Variants in TAFA1 observed in about 807,000 individuals in gnomAD.
TAFA1 encodes chemokine-like protein TAFA-1.
A neutral mutation model predicts 18.5 loss-of-function variants in TAFA1; 4 were observed. The ratio of observed to expected loss-of-function variants is 0.22; its 90% CI spans 0.11 to 0.49. TAFA1 has a LOEUF of 0.49. Among genes scored for constraint, TAFA1 ranks in the 20% least tolerant of loss-of-function variants. TAFA1 has a pLI of 0.98. For synonymous variants in TAFA1, 56 were observed against 55.2 expected (o/e 1.01, Z -0.06); for missense variants, 147 against 169.0 (o/e 0.87, Z 0.72).
intron 2 of TAFA1, among the ~76,000 whole-genome samples, chr3:68,177,644 C>T (rs1448122922): frequency 2.0e-5 from 3 of 152,162 alleles, no homozygotes; most frequent in Admixed American, 2.0e-4. Flanking sequence ...TAATTTTCCA[C>T]AAGGGCTTAA....
chr3:68,213,970 G>T (rs2066625636), intron 2 of TAFA1, among the ~76,000 whole-genome samples: 2 of 152,026 alleles, frequency 1.3e-5, no homozygotes, highest in African/African-American at 2.4e-5. Flanking sequence ...ATATACAGAA[G>T]AGTTAACTAC....
intron 2 of TAFA1, among the ~76,000 whole-genome samples, chr3:68,038,449 C>A (rs973403830): frequency 1.3e-5 from 2 of 152,070 alleles, no homozygotes; most frequent in Non-Finnish European, 2.9e-5. Context: ...GTCTTCTTTC[C>A]TGGACAGTAA....
intron 2 of TAFA1, among the ~76,000 whole-genome samples, chr3:68,386,989 G>C (rs2106695326): frequency 6.6e-6 from 1 of 152,118 alleles, no homozygotes; most frequent in South Asian, 2.1e-4. Context: ...CCTACATCTA[G>C]ATTGCTAGTG....
intron 2 of TAFA1, among the ~76,000 whole-genome samples, chr3:68,151,486 G>C (rs1031849765): frequency 6.6e-6 from 1 of 152,110 alleles, no homozygotes; most frequent in Non-Finnish European, 1.5e-5. Context: ...GAAATTTCTT[G>C]CTCACAGTTC....
chr3:68,308,528 C>T (rs927787765), intron 2 of TAFA1, among the ~76,000 whole-genome samples: 2 of 152,026 alleles, frequency 1.3e-5, no homozygotes, highest in Admixed American at 6.6e-5. Context: ...GTACCACATG[C>T]TAACCAATTG....
chr3:68,435,085 G>A (rs928334010), intron 3 of TAFA1, among the ~76,000 whole-genome samples: 7 of 152,114 alleles, frequency 4.6e-5, no homozygotes, highest in Admixed American at 1.3e-4. Context: ...TGCTCTGAGA[G>A]CAGAGGTTAG....
rs550139954 is a variant in TAFA1, at chr3:68,126,829, T to A, written c.118+120085T>A. ...CAGGCCTCCTAGGCTGACTTGAGAATGTGGGATGCTCTTTCAATGTGTGGA... is the reference window on the plus strand; with the variant it reads ...CAGGCCTCCTAGGCTGACTTGAGAAAGTGGGATGCTCTTTCAATGTGTGGA... On this transcript the variant is annotated intron_variant, in intron 2 of 4. Coordinates refer to ENST00000478136, the MANE Select transcript of TAFA1 (RefSeq NM_213609.4). Among the ~76,000 whole-genome samples the A allele has an allele frequency of 3.3e-5, 5 of 152,314 alleles. No homozygotes were observed. The South Asian group carries it at 1.0e-3, about 32-fold the overall frequency.
intron 2 of TAFA1, among the ~76,000 whole-genome samples, chr3:68,356,797 C>T (rs1336874204): frequency 1.3e-5 from 2 of 151,946 alleles, no homozygotes. Context: ...TACATGCATA[C>T]ATACATATAT....
intron 2 of TAFA1, among the ~76,000 whole-genome samples, chr3:68,381,272 T>A (rs1175059707): frequency 6.6e-6 from 1 of 151,746 alleles, no homozygotes; most frequent in South Asian, 2.1e-4. Flanking sequence ...TGGTTCCATA[T>A]GAACTTTAAA....
intron 2 of TAFA1, among the ~76,000 whole-genome samples, chr3:68,381,243 G>A (rs1351911763): frequency 6.6e-6 from 1 of 151,654 alleles, no homozygotes; most frequent in Non-Finnish European, 1.5e-5. Flanking sequence ...GGATTCACTT[G>A]GCAATGTGGG....
upstream of TAFA1, among the ~76,000 whole-genome samples, chr3:68,002,310 G>T (rs189318017): frequency 6.6e-6 from 1 of 152,256 alleles, no homozygotes; most frequent in East Asian, 1.9e-4. Flanking sequence ...CTTTATTCCA[G>T]TATTTTTTTC....
the TAFA1 span, among the ~76,000 whole-genome samples, chr3:67,998,365 C>T: frequency 6.6e-6 from 1 of 152,196 alleles, no homozygotes; most frequent in East Asian, 1.9e-4. Context: ...ATTCATTCTC[C>T]TTTTCCCATT....
chr3:68,203,585 A>G (rs1288040807), intron 2 of TAFA1, among the ~76,000 whole-genome samples: 1 of 151,594 alleles, frequency 6.6e-6, no homozygotes, highest in Non-Finnish European at 1.5e-5. Context: ...GGGTTTCAGG[A>G]TTTTAGTAAG....
chr3:68,007,918 G>C (rs1215756350), intron 2 of TAFA1, among the ~76,000 whole-genome samples: 1 of 152,220 alleles, frequency 6.6e-6, no homozygotes, highest in Non-Finnish European at 1.5e-5. Context: ...TCCCTGCTGG[G>C]GGCAGGCATG....
At chr3:68,195,056 G>C (rs985838148) in intron 2 of TAFA1, among the ~76,000 whole-genome samples, 2 of 151,464 alleles carry the variant, frequency 1.3e-5, no homozygotes, top group African/African-American at 4.8e-5. Flanking sequence ...CTCACATGCT[G>C]CTTCAGTGTT....
Position 68,336,952 on chromosome 3 carries a change from G to C in TAFA1, c.119-80328G>C, listed in dbSNP as rs571804471. Among the ~76,000 whole-genome samples, 389 of 151,974 alleles carry C rather than the reference G, an allele frequency of 2.6e-3. 1 individual carries two copies. The highest frequency in any genetic ancestry group is 7.8e-3 in the South Asian group (37 of 4,770). ...TTGTCCAGGCTGGTCTCAAACTCCT[G>C]ACCTCGGTAATCCGCCCACCTTGGC... On this transcript the variant is annotated intron_variant, in intron 2 of 4. Transcript: ENST00000478136.
chr3:68,506,516 A>G (rs2665544), intron 3 of TAFA1, among the ~76,000 whole-genome samples: 1 of 151,850 alleles, frequency 6.6e-6, no homozygotes. Flanking sequence ...TCAGTTTACA[A>G]TCCAGGTTTG....
intron 2 of TAFA1, among the ~76,000 whole-genome samples, chr3:68,119,693 A>G (rs1181680433): frequency 2.0e-5 from 3 of 152,118 alleles, no homozygotes; most frequent in Non-Finnish European, 4.4e-5. Context: ...CAGATATGTG[A>G]GGGCTTATTT....
chr3:68,368,219 A>G (rs1360896991), intron 2 of TAFA1, among the ~76,000 whole-genome samples: 3 of 152,176 alleles, frequency 2.0e-5, no homozygotes, highest in African/African-American at 4.8e-5. Context: ...TCTCCTCACC[A>G]TTGTCTCTTA....
Sources: gnomAD v4.1 joint callset for allele counts (sites outside exome capture counted in the v4.1 genomes callset) on GRCh38, gnomAD v4.1.1 for gene constraint, MANE v1.5 for transcripts, NCBI Gene and HGNC (gene_info 2026-07-23, HGNC 2026-07-21) for gene names.